Variants in GCM2 observed in about 807,000 individuals in gnomAD.
GCM2 encodes GCM transcription factor 2, also known as chorion-specific transcription factor GCMb.
A neutral mutation model predicts 24.8 loss-of-function variants in GCM2; 21 were observed. The ratio of observed to expected loss-of-function variants is 0.85; its 90% CI spans 0.60 to 1.22. GCM2 has a LOEUF of 1.22. Among genes scored for constraint, GCM2 ranks in the 50% most tolerant of loss-of-function variants. GCM2 has a pLI of 0.00. For missense variants in GCM2, 532 were observed against 645.6 expected (o/e 0.82, Z 1.91); for synonymous variants, 222 against 238.0 (o/e 0.93, Z 0.62).
At chr6:10,878,600 A>C (rs575282009) in intron 1 of GCM2, among the ~76,000 whole-genome samples, 6 of 152,138 alleles carry the variant, frequency 3.9e-5, no homozygotes, top group Non-Finnish European at 8.8e-5. Context: ...TTACAGGCAT[A>C]AGCCACCATG....
intron 1 of GCM2, 44 bp from the exon 2 acceptor site, chr6:10,877,436 A>G: frequency 2.5e-6 from 4 of 1,606,882 alleles, no homozygotes; most frequent in Non-Finnish European, 3.4e-6. Context: ...ATCCAGTCCA[A>G]ACTGCACACA....
chr6:10,876,778 A>C (rs908011751), intron 2 of GCM2, among the ~76,000 whole-genome samples: 1 of 150,794 alleles, frequency 6.6e-6, no homozygotes, highest in African/African-American at 2.4e-5. Flanking sequence ...AAAAATACAA[A>C]ATTAGCCGGG....
chr6:10,881,615 G>A, intron 1 of GCM2, 89 bp downstream of exon 1: 4 of 665,594 alleles, frequency 6.0e-6, no homozygotes, highest in Non-Finnish European at 1.0e-5. Flanking sequence ...TGTATGGTCC[G>A]TCCGCAGACT....
chr6:10,875,844 G>C, intron 4 of GCM2, 47 bp downstream of exon 4: 1 of 1,593,790 alleles, frequency 6.3e-7, no homozygotes, highest in Non-Finnish European at 8.6e-7. Flanking sequence ...GCGTATCTTG[G>C]GATGAAAATG....
In GCM2 at chr6:10,877,243, C is replaced by T. The variant is rs754771998; in HGVS notation, c.240G>A (p.Ser80=). The T allele has an allele frequency of 9.3e-6, 15 of 1,614,106 alleles. No homozygotes were observed. Among genetic ancestry groups the T allele is most frequent in the East Asian group, 4.5e-5 (2 of 44,890 alleles). ...GTGTACACACCACCACACCCAGGCA[C>T]GACTTCTTGAGGATGTGGCCATTGT... is the stretch of plus-strand genomic sequence containing the variant. The part of the protein sequence containing the change: ...NNHNGHILKK[S]CLGVVVCTQA... Residue 80 remains serine, a synonymous_variant, in exon 2 of 5, where the codon TCG becomes TCA. Transcript: ENST00000379491.
At chr6:10,876,295 G>A (rs1298187183) in intron 3 of GCM2, 150 bp downstream of exon 3, 4 of 719,356 alleles carry the variant, frequency 5.6e-6, no homozygotes, top group South Asian at 1.5e-5. Context: ...CTAGGCTCCC[G>A]CTAGGTCCCT....
intron 1 of GCM2, among the ~76,000 whole-genome samples, chr6:10,877,767 G>A (rs779317130): frequency 1.3e-5 from 2 of 152,178 alleles, no homozygotes; most frequent in East Asian, 1.9e-4. Flanking sequence ...CCATTCCAGA[G>A]CCTGTACTTC....
At position 10,875,886 on chromosome 6, in the gene GCM2, G is replaced by A. The variant is rs772914875; in HGVS notation, c.582+5C>T. ...GACCACTGTGCACTATCAGCTCCCT[G>A]TTACCTCGGATTCTCGAATTCTCTT... On this transcript the variant is annotated splice_donor_5th_base_variant and intron_variant, in intron 4 of 4. Transcript: ENST00000379491. The A allele has an allele frequency of 3.1e-6, 5 of 1,613,816 alleles. No homozygotes were observed. Among genetic ancestry groups the A allele is most frequent in the Non-Finnish European group, 4.2e-6 (5 of 1,179,902 alleles).
intron 1 of GCM2, among the ~76,000 whole-genome samples, chr6:10,879,283 AT>A (rs1272242315): frequency 2.0e-5 from 3 of 152,200 alleles, no homozygotes; most frequent in Non-Finnish European, 4.4e-5. Flanking sequence ...CAAATTGACA[AT>A]TTTCCAGAAA....
chr6:10,881,983 C>A lies in GCM2; in HGVS notation c.-190G>T, dbSNP rs1779966733. On this transcript the variant is annotated 5_prime_UTR_variant, in exon 1 of 5. Coordinates refer to ENST00000379491, the MANE Select transcript of GCM2 (RefSeq NM_004752.4). ...AAGCTGGGGACAATGGTTATGGACC[C>A]GGGCGGGGCCTTGTCCTTGGCCGCG... The A allele has an allele frequency of 3.3e-6, 2 of 613,656 alleles. No individual in the cohort carries two copies. Among genetic ancestry groups the A allele is most frequent in the African/African-American group, 3.7e-5 (2 of 54,506 alleles). 38.0% of individuals were successfully genotyped at this position (613,656 alleles called of 1,614,324 possible).
intron 1 of GCM2, among the ~76,000 whole-genome samples, chr6:10,880,248 C>A (rs1375167705): frequency 2.0e-5 from 3 of 151,518 alleles, no homozygotes; most frequent in Non-Finnish European, 4.4e-5. Flanking sequence ...AGAGCTAAAC[C>A]CCGCCTCAAA....
rs370583959 is a variant in GCM2, at chr6:10,881,677, G to A, written c.90+27C>T. 1.2e-5 allele frequency: 19 copies of A among 1,565,048 alleles called. No homozygotes were observed. In the African/African-American group the frequency reaches 2.2e-4, roughly 18 times the overall value. ...CTCCTTCGGATGGACAGCGCCCCGC[G>A]TGCCCGCACACACCCGGTTCACTTA... On this transcript the variant is annotated intron_variant, in intron 1 of 4. Transcript: ENST00000379491.
At position 10,875,878 on chromosome 6, in the gene GCM2, A is replaced by C; in HGVS notation, c.582+13T>G. On this transcript the variant is annotated intron_variant, in intron 4 of 4. Coordinates refer to ENST00000379491, the MANE Select transcript of GCM2 (RefSeq NM_004752.4). ...TGAGCTGAGACCACTGTGCACTATC[A>C]GCTCCCTGTTACCTCGGATTCTCGA... 1 of 1,613,808 alleles carries C rather than the reference A, an allele frequency of 6.2e-7. No homozygotes were observed. Among genetic ancestry groups the C allele is most frequent in the Non-Finnish European group, 8.5e-7 (1 of 1,179,822 alleles).
intron 4 of GCM2, 56 bp downstream of exon 4, chr6:10,875,835 C>G: frequency 2.6e-6 from 4 of 1,566,434 alleles, no homozygotes; most frequent in Non-Finnish European, 3.5e-6. Context: ...TAACGATCAG[C>G]GTATCTTGGG....
At position 10,877,190 on chromosome 6, in the gene GCM2, C is replaced by A. The variant is rs371572960; in HGVS notation, c.293G>T (p.Arg98Leu). ...GCAGATGGCCGGCCTCAGCTGCAGG[C>A]GGGAACCGTCGGGCAGGGTGCAGGC... ...TQACTLPDGSRLQLRPAICDK... is the reference protein window; with the variant it reads ...TQACTLPDGSLLQLRPAICDK... Residue 98 changes from arginine to leucine, a missense_variant, in exon 2 of 5, where the codon CGC (arginine) becomes CTC (leucine). Arg to Leu is a moderately radical substitution (Grantham distance 102). This residue lies in a region of GCM2 where 434 missense variants were observed against 521.9 expected (regional missense o/e 0.83). Transcript: ENST00000379491. 2 of 1,613,882 alleles carry A rather than the reference C, an allele frequency of 1.2e-6. No homozygotes were observed. Among genetic ancestry groups the A allele is most frequent in the Non-Finnish European group, 1.7e-6 (2 of 1,180,048 alleles).
chr6:10,879,192 T>G (rs769761889), intron 1 of GCM2, among the ~76,000 whole-genome samples: 10 of 152,218 alleles, frequency 6.6e-5, no homozygotes, highest in Non-Finnish European at 1.5e-4. Flanking sequence ...TATATAATGA[T>G]GTGCTATCAA....
In GCM2 at chr6:10,877,402, T is replaced by G. The variant is rs770280427; in HGVS notation, c.91-10A>C. 6.2e-7 allele frequency: 1 copy of G among 1,614,060 alleles called. No individual in the cohort carries two copies. Among genetic ancestry groups the G allele is most frequent in the South Asian group, 1.1e-5 (1 of 91,080 alleles). On this transcript the variant is annotated splice_polypyrimidine_tract_variant and intron_variant, in intron 1 of 4. Transcript: ENST00000379491. Reference sequence around the variant, plus strand: ...CAAAGAGGGCCAGCTCCTGGAAGAGTGCAGAAGGAAGGGTGGTCAGTCTAT... The same window carrying G: ...CAAAGAGGGCCAGCTCCTGGAAGAGGGCAGAAGGAAGGGTGGTCAGTCTAT...
At chr6:10,877,047 A>G (rs1779892766) in intron 2 of GCM2, 93 bp downstream of exon 2, 1 of 1,488,530 alleles carries the variant, frequency 6.7e-7, no homozygotes, top group African/African-American at 1.4e-5. Flanking sequence ...TGAGTGACAG[A>G]GTGAGGCTCC....
At chr6:10,875,358 A>G (rs1198274949) in intron 4 of GCM2, among the ~76,000 whole-genome samples, 3 of 152,210 alleles carry the variant, frequency 2.0e-5, no homozygotes, top group African/African-American at 7.2e-5. Context: ...ACCTCATTAT[A>G]AGGTTTCTGC....
Sources: allele counts gnomAD v4.1 joint callset (sites outside exome capture counted in the v4.1 genomes callset), GRCh38; gene constraint gnomAD v4.1.1; regional missense constraint gnomAD v4.1.1; transcripts MANE v1.5; gene names NCBI Gene and HGNC (gene_info 2026-07-23, HGNC 2026-07-21).